The following AGAP2 variants were observed in gnomAD, a reference collection of about 807,000 sequenced individuals.
AGAP2 encodes arf-GAP with GTPase, ANK repeat and PH domain-containing protein 2.
In AGAP2, 32 loss-of-function variants were observed where a neutral mutation model predicts 110.9. The ratio of observed to expected loss-of-function variants is 0.29; its 90% CI spans 0.22 to 0.39. AGAP2 has a LOEUF of 0.39. Ranked by LOEUF, AGAP2 falls within the 10% of genes least tolerant of loss-of-function variation. The pLI is 1.00. For synonymous variants in AGAP2, 702 were observed against 713.0 expected (o/e 0.98, Z 0.25); for missense variants, 1,285 against 1,638.5 (o/e 0.78, Z 3.72).
At chr12:57,734,225 G>T (rs888206713) in intron 4 of AGAP2, 52 bp from the exon 5 acceptor site, 1 of 1,610,352 alleles carries the variant, frequency 6.2e-7, no homozygotes, top group Admixed American at 1.7e-5. Context: ...TACTCCTCTG[G>T]ACCCAATCCA....
At position 57,726,081 on chromosome 12, in the gene AGAP2, C is replaced by T. The variant is rs1268987013; in HGVS notation, c.*471G>A. 1 of 152,348 alleles carries T rather than the reference C, an allele frequency of 6.6e-6. No homozygotes were observed. Among genetic ancestry groups the T allele is most frequent in the Non-Finnish European group, 1.5e-5 (1 of 68,158 alleles). The allele number at this position is 152,348 out of a possible 1,614,324, so 9.4% of individuals were successfully genotyped here. A position where few individuals can be genotyped will look rare whatever the true frequency, so the allele number is the denominator to read the frequency against. ...AAGGGGTAGGGTTTCCGTATTGGCC[C>T]CAAGTCCCGGGGCTAGCCCTCCCAT... On this transcript the variant is annotated 3_prime_UTR_variant, in exon 19 of 19. Coordinates refer to ENST00000547588, the MANE Select transcript of AGAP2 (RefSeq NM_001122772.3). This position sits in a 1 kb window ranked among gnomAD's most constrained non-coding sequence, Gnocchi z 5.7.
chr12:57,727,787 G>T lies in AGAP2; in HGVS notation c.2767-16C>A. On this transcript the variant is annotated splice_polypyrimidine_tract_variant and intron_variant, in intron 15 of 18. Transcript: ENST00000547588. Reference sequence around the variant, plus strand: ...CTGTGCGCAGCTGCAGAGAGGGTTTGGGTTGGCACTGACTCTGCCTCCAAG... The same window carrying T: ...CTGTGCGCAGCTGCAGAGAGGGTTTTGGTTGGCACTGACTCTGCCTCCAAG... The T allele has an allele frequency of 6.3e-7, 1 of 1,574,836 alleles. No homozygotes were observed.
At position 57,727,369 on chromosome 12, in the gene AGAP2, T is replaced by G. The variant is rs770513436; in HGVS notation, c.3071A>C (p.Asp1024Ala). 2.5e-6 allele frequency: 4 copies of G among 1,610,336 alleles called. No individual in the cohort carries two copies. The highest frequency in any genetic ancestry group is 1.7e-4 in the Middle Eastern group (1 of 6,060). Residue 1024 changes from aspartate to alanine, a missense_variant, in exon 17 of 19, where the codon GAC becomes GCC. By Grantham distance (126) the Asp-to-Ala change is moderately radical (BLOSUM62 -2). Around this residue, in one of 7 missense-constraint regions of AGAP2, gnomAD observed 201 missense variants for 276.1 expected, o/e 0.73. Transcript: ENST00000547588. ...GTTCCCTCACGCTTACCGCGAAGAG[T>G]CCCGCGAGGGCTTGGCACGGCCTCG... The part of the protein sequence containing the change: ...DTRGRAKPSR[D>A]SSREERESWI...
At chr12:57,740,538 A>G (rs1955064763), upstream of AGAP2, among the ~76,000 whole-genome samples, 1 of 151,932 alleles carries the variant, frequency 6.6e-6, no homozygotes, top group South Asian at 2.1e-4. Flanking sequence ...AGGGATTTCC[A>G]CCTCCACCCC....
At position 57,727,148 on chromosome 12, in the gene AGAP2, C is replaced by T; in HGVS notation, c.3162G>A (p.Leu1054=). ...GCACGGCGGCCCACAGCTGGCGGCC[C>T]AGCGGCTCCTCCGAGGTGCTCAGCG... ...LAPLSTSEEP[L]GRQLWAAVQA... is the part of the protein sequence containing the mutation. The change falls in exon 18 of 19, where the codon CTG becomes CTA. Residue 1054 remains leucine (L), a synonymous_variant. Transcript: ENST00000547588. 1 of 1,605,222 alleles carries T rather than the reference C, an allele frequency of 6.2e-7. No homozygotes were observed. Among genetic ancestry groups the T allele is most frequent in the Non-Finnish European group, 8.5e-7 (1 of 1,177,050 alleles).
chr12:57,741,992 T>C (rs780523688), upstream of AGAP2: 4 of 1,614,068 alleles, frequency 2.5e-6, no homozygotes, highest in Non-Finnish European at 3.4e-6. Flanking sequence ...CCTGAGGCGG[T>C]TTAGAGCCTG....
chr12:57,735,409 T>C lies in AGAP2; in HGVS notation c.1187A>G (p.Gln396Arg). The change falls in exon 2 of 19, where the codon CAG becomes CGG. Residue 396 changes from glutamine to arginine, a missense_variant. By Grantham distance (43) the Gln-to-Arg change is conservative (BLOSUM62 1). Around this residue, in one of 7 missense-constraint regions of AGAP2, gnomAD observed 844 missense variants for 941.2 expected, o/e 0.90. Coordinates refer to ENST00000547588, the MANE Select transcript of AGAP2 (RefSeq NM_001122772.3). ...RASPKAVINS[Q>R]EWTLSRSIPE... is the part of the protein sequence containing the mutation. ...AATGGAGCGGCTCAAAGTCCATTCC[T>C]GGCTATTGATCACAGCCTCTGTAAC... is the stretch of plus-strand genomic sequence containing the variant. 1 of 1,613,854 alleles carries C rather than the reference T, an allele frequency of 6.2e-7. No individual in the cohort carries two copies. Among genetic ancestry groups the C allele is most frequent in the Non-Finnish European group, 8.5e-7 (1 of 1,179,926 alleles).
Position 57,731,838 on chromosome 12 carries a change from C to A in AGAP2, c.1924G>T (p.Ala642Ser). Residue 642 changes from alanine (A) to serine (S), a missense_variant, in exon 8 of 19, where the codon GCA (alanine) becomes TCA (serine). By Grantham distance (99) the Ala-to-Ser change is moderately conservative. This residue lies in a region of AGAP2 where 844 missense variants were observed against 941.2 expected (regional missense o/e 0.90). Coordinates refer to ENST00000547588, the MANE Select transcript of AGAP2 (RefSeq NM_001122772.3). ...GLSTPGSLHR[A>S]AKRRTSLFAN... Reference sequence around the variant, plus strand: ...AAAAGGCTGGTCCTGCGCTTGGCTGCCCGGTGCAGGGACCCTGGGGTGCTC... The same window carrying A: ...AAAAGGCTGGTCCTGCGCTTGGCTGACCGGTGCAGGGACCCTGGGGTGCTC... 2 of 1,591,154 alleles carry A rather than the reference C, an allele frequency of 1.3e-6. No individual in the cohort carries two copies. Among genetic ancestry groups the A allele is most frequent in the South Asian group, 1.1e-5 (1 of 87,710 alleles).
At chr12:57,736,880 C>A (rs1595094326) in intron 1 of AGAP2, among the ~76,000 whole-genome samples, 199 bp downstream of exon 1, 3 of 152,344 alleles carry the variant, frequency 2.0e-5, no homozygotes, top group African/African-American at 7.2e-5. Flanking sequence ...CAAGTCCTTT[C>A]TCCTGTCGCA....
At chr12:57,735,179 G>A in intron 2 of AGAP2, among the ~76,000 whole-genome samples, 190 bp downstream of exon 2, 1 of 152,092 alleles carries the variant, frequency 6.6e-6, no homozygotes, top group East Asian at 1.9e-4. Context: ...GACTAGATAG[G>A]AAAAACTTGT....
chr12:57,730,280 G>A, intron 12 of AGAP2: 1 of 682,168 alleles, frequency 1.5e-6, no homozygotes, highest in South Asian at 2.0e-5. Context: ...TTGCCCATGT[G>A]GCAAGCCAGG....
At chr12:57,740,924 A>C (rs1182233741), upstream of AGAP2, among the ~76,000 whole-genome samples, 3 of 152,212 alleles carry the variant, frequency 2.0e-5, no homozygotes, top group Non-Finnish European at 4.4e-5. Flanking sequence ...GGAAAGAATG[A>C]TCTCTTGACA....
upstream of AGAP2, among the ~76,000 whole-genome samples, chr12:57,740,229 G>A (rs972064751): frequency 1.3e-5 from 2 of 152,096 alleles, no homozygotes; most frequent in African/African-American, 2.4e-5. Context: ...TGGGGGGGCT[G>A]AGCCAGGATG....
rs1954847492 is a variant in AGAP2, at chr12:57,729,720, G to A, written c.2476C>T (p.Pro826Ser). Residue 826 changes from proline to serine, a missense_variant, in exon 13 of 19, where the codon CCT becomes TCT. By Grantham distance (74) the Pro-to-Ser change is moderately conservative. This residue lies in a region of AGAP2 where 135 missense variants were observed against 182.0 expected (regional missense o/e 0.74). Coordinates refer to ENST00000547588, the MANE Select transcript of AGAP2 (RefSeq NM_001122772.3). ...CTCTGCTTCTTCACCATGGGAGAAG[G>A]AGGGGGTTCCCGACTCAGGGGGCTC... The part of the protein sequence containing the change: ...DLSPLSREPP[P>S]SPMVKKQRRK... The A allele has an allele frequency of 6.2e-7, 1 of 1,613,758 alleles. No homozygotes were observed. Among genetic ancestry groups the A allele is most frequent in the South Asian group, 1.1e-5 (1 of 91,064 alleles).
In AGAP2 at chr12:57,732,868, T is replaced by C. The variant is rs1467278431; in HGVS notation, c.1661A>G (p.Asn554Ser). 21 of 1,613,910 alleles carry C rather than the reference T, an allele frequency of 1.3e-5. No homozygotes were observed. The highest frequency in any genetic ancestry group is 1.7e-5 in the Non-Finnish European group (20 of 1,180,022). ...YYETCATYGL[N>S]VDRVFQEVAQ... is the part of the protein sequence containing the mutation. ...ACCCTCCTGGAAGACCCGATCCACA[T>C]TGAGCCCATAGGTTGCACAAGTCTC... Residue 554 changes from asparagine to serine, a missense_variant, in exon 6 of 19, where the codon AAT becomes AGT. Physicochemically the swap from Asn to Ser is conservative, Grantham distance 46 (BLOSUM62 1). This residue lies in a region of AGAP2 where 844 missense variants were observed against 941.2 expected (regional missense o/e 0.90). Transcript: ENST00000547588.
chr12:57,736,103 G>A (rs1169814636), intron 1 of AGAP2, among the ~76,000 whole-genome samples: 1 of 152,178 alleles, frequency 6.6e-6, no homozygotes, highest in East Asian at 1.9e-4. Flanking sequence ...CGCCAGCCAG[G>A]TCCAGCCCCC....
In AGAP2 at chr12:57,737,371, CGGA is replaced by C. The variant is rs1955004410; in HGVS notation, c.873_875del (p.Pro292del). On this transcript the variant is annotated inframe_deletion, in exon 1 of 19. Transcript: ENST00000547588. This position sits in a 1 kb window ranked among gnomAD's most constrained non-coding sequence, Gnocchi z 5.9. ...GACTCGGAGTTGGTGGGAGGGTTAG[CGGA>C]GGAGGAGAGCCGGCAGGCGGTCCCG... The C allele has an allele frequency of 1.9e-6, 3 of 1,613,676 alleles. No individual in the cohort carries two copies. Among genetic ancestry groups the C allele is most frequent in the Non-Finnish European group, 2.5e-6 (3 of 1,179,814 alleles).
In AGAP2 at chr12:57,737,803, C is replaced by T. The variant is rs1249312937; in HGVS notation, c.444G>A (p.Pro148=). The T allele has an allele frequency of 3.9e-6, 6 of 1,524,356 alleles. No homozygotes were observed. Among genetic ancestry groups the T allele is most frequent in the African/African-American group, 2.8e-5 (2 of 71,854 alleles). 94.4% of individuals were successfully genotyped at this position (1,524,356 alleles called of 1,614,324 possible). ...TSSRRPLLSS[P]SWGGPEPEGR... ...CTTCGGGCTCCGGGCCGCCCCAGCT[C>T]GGGCTGCTGAGCAGGGGGCGCCGGG... is the stretch of plus-strand genomic sequence containing the variant. Residue 148 remains proline, a synonymous_variant, in exon 1 of 19, where the codon CCG becomes CCA. Transcript: ENST00000547588. This position sits in a 1 kb window ranked among gnomAD's most constrained non-coding sequence, Gnocchi z 5.9.
chr12:57,732,011 C>T (rs763080568), intron 7 of AGAP2, 44 bp from the exon 8 acceptor site: 1 of 1,599,638 alleles, frequency 6.3e-7, no homozygotes, highest in Non-Finnish European at 8.5e-7. Flanking sequence ...ATGCCCCCTA[C>T]TCCACCAAGC....
Sources: gnomAD v4.1 joint callset for allele counts (sites outside exome capture counted in the v4.1 genomes callset) on GRCh38, gnomAD v4.1.1 for gene constraint, gnomAD v4.1.1 regional missense constraint, Gnocchi (gnomAD v3.1) non-coding constraint, MANE v1.5 for transcripts, NCBI Gene and HGNC (gene_info 2026-07-23, HGNC 2026-07-21) for gene names.